Variants in TRIM66 observed in about 807,000 individuals in gnomAD.
TRIM66 encodes tripartite motif containing 66.
TRIM66 carries 99 observed loss-of-function variants against 148.2 expected under a neutral mutation model. The ratio of observed to expected loss-of-function variants is 0.67; its 90% CI spans 0.57 to 0.79. The LOEUF is 0.79. TRIM66 is among the 30% of genes least tolerant of loss of function. TRIM66 has a pLI of 0.00. For synonymous variants in TRIM66, 616 were observed against 635.9 expected (o/e 0.97, Z 0.47); for missense variants, 1,666 against 1,697.9 (o/e 0.98, Z 0.33).
intron 17 of TRIM66, 123 bp from the exon 18 acceptor site, chr11:8,622,999 C>T: frequency 3.9e-6 from 3 of 765,844 alleles, no homozygotes; most frequent in Non-Finnish European, 6.4e-6. Flanking sequence ...ACAGTAGTTA[C>T]CTACACTATA....
chr11:8,622,621 C>T (rs143288154), intron 18 of TRIM66, among the ~76,000 whole-genome samples, 195 bp downstream of exon 18: 89 of 151,932 alleles, frequency 5.9e-4, no homozygotes, highest in African/African-American at 2.1e-3. Flanking sequence ...AGAGCGCATG[C>T]CTCGTGGTGC....
chr11:8,633,005 T>C (rs2035553744), intron 15 of TRIM66, among the ~76,000 whole-genome samples: 2 of 152,052 alleles, frequency 1.3e-5, no homozygotes, highest in Non-Finnish European at 2.9e-5. Flanking sequence ...GAATCTGAGG[T>C]AGAAGAAAGA....
intron 4 of TRIM66, among the ~76,000 whole-genome samples, chr11:8,672,936 T>A (rs1031063262): frequency 8.8e-6 from 1 of 113,836 alleles, no homozygotes; most frequent in Non-Finnish European, 1.9e-5. Context: ...TGGCCCATAC[T>A]CTTTTTTTTT....
rs535154214 is a variant in TRIM66 at position 8,681,661 on chromosome 11, G to A, written c.-548+940C>T. 3.3e-4 allele frequency among the ~76,000 whole-genome samples: 50 copies of A among 152,248 alleles called. 1 individual carries two copies. The highest frequency in any genetic ancestry group is 1.1e-3 in the African/African-American group (44 of 41,542). On this transcript the variant is annotated intron_variant, in intron 1 of 24. Transcript: ENST00000646038. ...AGAGCGAAGACATGCTGCTATTAGC[G>A]AAGACAGGGAGGTGAGGGTAAGTTC...
chr11:8,645,636 T>C lies in TRIM66; in HGVS notation c.1104+105A>G, dbSNP rs528739402. 3.4e-5 allele frequency: 47 copies of C among 1,377,782 alleles called. No individual in the cohort carries two copies. The Admixed American group carries it at 1.1e-3, about 33-fold the overall frequency. The allele number at this position is 1,377,782 out of a possible 1,614,324, so 85.3% of individuals were successfully genotyped here. Reference sequence around the variant, plus strand: ...TGCTATGTTATTCCTCCTTCCATCCTAAAAAGAAAAGGCACTTCCAAGGAC... The same window carrying C: ...TGCTATGTTATTCCTCCTTCCATCCCAAAAAGAAAAGGCACTTCCAAGGAC... On this transcript the variant is annotated intron_variant, in intron 12 of 24. Transcript: ENST00000646038.
chr11:8,678,532 T>C (rs2039284219), intron 3 of TRIM66, among the ~76,000 whole-genome samples: 1 of 152,208 alleles, frequency 6.6e-6, no homozygotes, highest in Admixed American at 6.5e-5. Flanking sequence ...TGCTTATACT[T>C]ATATTTTTTT....
At chr11:8,658,756 G>T in intron 6 of TRIM66, 1 of 985,256 alleles carries the variant, frequency 1.0e-6, no homozygotes, top group Non-Finnish European at 1.2e-6. Flanking sequence ...TTAAAAAACA[G>T]CAGGAGCCCA....
chr11:8,682,973 G>T (rs2039515105), upstream of TRIM66: 1 of 1,051,524 alleles, frequency 9.5e-7, no homozygotes, highest in Non-Finnish European at 1.4e-6. Flanking sequence ...CCCGGGGCGG[G>T]GCTCCCGGAG....
chr11:8,622,365 C>CACAT lies in TRIM66; in HGVS notation c.3080+450_3080+451insATGT. The stretch of plus-strand genomic sequence containing the variant: ...ACACACACACACACACACACACACA[C>CACAT]ATATATATATATATATATCTCCTAC... On this transcript the variant is annotated intron_variant, in intron 18 of 24. Coordinates refer to ENST00000646038, the MANE Select transcript of TRIM66 (RefSeq NM_001388022.1). 2.7e-3 allele frequency among the ~76,000 whole-genome samples: 160 copies of CACAT among 59,604 alleles called. 13 individuals are homozygous for CACAT. The highest frequency in any genetic ancestry group is 7.1e-3 in the African/African-American group (126 of 17,756). 39.1% of individuals were successfully genotyped at this position (59,604 alleles called of 152,430 possible). A position where few individuals can be genotyped will look rare whatever the true frequency, so the allele number is the denominator to read the frequency against.
Position 8,649,838 on chromosome 11 carries a change from T to C in TRIM66, c.494A>G (p.Tyr165Cys), listed in dbSNP as rs1592137224. 1 of 1,551,666 alleles carries C rather than the reference T, an allele frequency of 6.4e-7. No individual in the cohort carries two copies. ...AGAGCTGCACAGCCAGCGATTGCAG[T>C]AGGTGCAGAGGATATGTGCTGCCCT... Reference protein sequence around the residue: ...EKRAAHILCTYCNRWLCSSCT... With the variant: ...EKRAAHILCTCCNRWLCSSCT... The change falls in exon 8 of 25, where the codon TAC becomes TGC. Residue 165 changes from tyrosine to cysteine, a missense_variant. Physicochemically the swap from Tyr to Cys is radical, Grantham distance 194 (BLOSUM62 -2). Transcript: ENST00000646038.
At chr11:8,646,286 C>T (rs1415837325) in intron 11 of TRIM66, among the ~76,000 whole-genome samples, 161 bp downstream of exon 11, 1 of 152,112 alleles carries the variant, frequency 6.6e-6, no homozygotes, top group Non-Finnish European at 1.5e-5. Context: ...TAATGAGCCA[C>T]CCTCCCAAAA....
intron 6 of TRIM66, chr11:8,654,526 A>G (rs760576806): frequency 2.6e-5 from 4 of 152,224 alleles, no homozygotes; most frequent in Non-Finnish European, 4.4e-5. Flanking sequence ...CACCCTGAAC[A>G]TCCTTCCAGT....
At position 8,641,022 on chromosome 11, in the gene TRIM66, G is replaced by A. The variant is rs1212333691; in HGVS notation, c.1353C>T (p.Pro451=). The part of the protein sequence containing the change: ...PVAQQEALSH[P]SHKFQSPAVC... ...CTGCTGGAGACTGGAACTTGTGTGAGGGGTGGCTAAGAGCCTCTTGCTGAG... is the reference window on the plus strand; with the variant it reads ...CTGCTGGAGACTGGAACTTGTGTGAAGGGTGGCTAAGAGCCTCTTGCTGAG... The change falls in exon 14 of 25, where the codon CCC becomes CCT. Residue 451 remains proline (P), a synonymous_variant. Transcript: ENST00000646038. The A allele has an allele frequency of 6.4e-7, 1 of 1,551,644 alleles. No individual in the cohort carries two copies. The highest frequency in any genetic ancestry group is 8.7e-7 in the Non-Finnish European group (1 of 1,146,996).
chr11:8,621,507 C>T, intron 19 of TRIM66, 138 bp downstream of exon 19: 2 of 1,300,392 alleles, frequency 1.5e-6, no homozygotes, highest in Non-Finnish European at 2.1e-6. Context: ...GACCTTGCAG[C>T]AGGGGACAAC....
In TRIM66 at chr11:8,672,322, G is replaced by T; in HGVS notation, c.-48C>A. On this transcript the variant is annotated 5_prime_UTR_variant, in exon 5 of 25. Coordinates refer to ENST00000646038, the MANE Select transcript of TRIM66 (RefSeq NM_001388022.1). ...TGGAGGTGTCTGCTGTTTGTCTGAA[G>T]GCGAACAAACCCTTCAAAAGTGTCC... 6.5e-7 allele frequency: 1 copy of T among 1,536,006 alleles called. No individual in the cohort carries two copies. The highest frequency in any genetic ancestry group is 8.7e-7 in the Non-Finnish European group (1 of 1,146,856).
At chr11:8,638,839 G>C (rs1305517793) in intron 14 of TRIM66, 24 bp from the exon 15 acceptor site, 2 of 1,547,954 alleles carry the variant, frequency 1.3e-6, no homozygotes, top group African/African-American at 1.4e-5. Flanking sequence ...TAAGAACTTG[G>C]GTGGGTTTTA....
intron 18 of TRIM66, 35 bp from the exon 19 acceptor site, chr11:8,621,854 G>C: frequency 6.7e-7 from 1 of 1,499,580 alleles, no homozygotes; most frequent in Non-Finnish European, 8.9e-7. Context: ...GTCTTGGTGG[G>C]ATCCTCCTCT....
intron 12 of TRIM66, 96 bp from the exon 13 acceptor site, chr11:8,643,222 T>G: frequency 9.9e-7 from 1 of 1,012,598 alleles, no homozygotes; most frequent in Non-Finnish European, 1.4e-6. Context: ...AGGCTCAAAG[T>G]CATGGCCCTT....
At chr11:8,632,800 T>C (rs963239072) in intron 15 of TRIM66, among the ~76,000 whole-genome samples, 2 of 152,216 alleles carry the variant, frequency 1.3e-5, no homozygotes, top group South Asian at 4.1e-4. Flanking sequence ...TTGCTCTTAT[T>C]GACAATGAGT....
Sources: allele counts gnomAD v4.1 joint callset (sites outside exome capture counted in the v4.1 genomes callset), GRCh38; gene constraint gnomAD v4.1.1; transcripts MANE v1.5; gene names NCBI Gene and HGNC (gene_info 2026-07-23, HGNC 2026-07-21).